NR6A1: variants seen among roughly 807,000 people sequenced by gnomAD.
The protein encoded by NR6A1 is retinoic acid receptor-related testis-associated receptor.
A neutral mutation model predicts 59.1 loss-of-function variants in NR6A1; 7 were observed. The observed-to-expected ratio is 0.12, with a 90% confidence interval of 0.07 to 0.22. The LOEUF (loss-of-function observed/expected upper bound fraction) is 0.22, where lower values mean the gene tolerates loss of function less well. NR6A1 is among the 10% of genes least tolerant of loss of function. The pLI is 1.00. For missense variants in NR6A1, 468 were observed against 611.6 expected, an observed-to-expected ratio of 0.77 and a Z score of 2.48; for synonymous variants, 243 against 236.1, an observed-to-expected ratio of 1.03 and a Z score of -0.27.
At chr9:124,585,558 A>G (rs13340712) in intron 2 of NR6A1, among the ~76,000 whole-genome samples, 1,765 of 26,344 alleles carry the variant, frequency 0.067, 13 homozygotes, top group East Asian at 0.16. Context: ...AAAAAAAAAA[A>G]GGGGGGGGGG....
chr9:124,747,836 C>G (rs1348004847), intron 1 of NR6A1, among the ~76,000 whole-genome samples: 1 of 152,182 alleles, frequency 6.6e-6, no homozygotes, highest in African/African-American at 2.4e-5. Flanking sequence ...CTCAAGGCAT[C>G]TAATCACCCT....
intron 2 of NR6A1, chr9:124,693,763 C>T (rs536185310): frequency 1.9e-6 from 1 of 534,634 alleles, no homozygotes; most frequent in Admixed American, 1.9e-5. Flanking sequence ...TCTGAATCAA[C>T]TCACTGATCA....
chr9:124,620,704 GT>G (rs1334102571), intron 2 of NR6A1, among the ~76,000 whole-genome samples: 1 of 151,746 alleles, frequency 6.6e-6, no homozygotes, highest in Non-Finnish European at 1.5e-5. Context: ...TGATGAAAAT[GT>G]TCTAAAACTG....
At chr9:124,546,972 C>T (rs1186723885) in intron 3 of NR6A1, among the ~76,000 whole-genome samples, 1 of 152,196 alleles carries the variant, frequency 6.6e-6, no homozygotes, top group Non-Finnish European at 1.5e-5. Context: ...CCATTTAGAT[C>T]TTCTGATTCT....
At chr9:124,593,028 G>A (rs1297145301) in intron 2 of NR6A1, among the ~76,000 whole-genome samples, 2 of 152,176 alleles carry the variant, frequency 1.3e-5, no homozygotes, top group Non-Finnish European at 2.9e-5. Flanking sequence ...TGGAGTAAAA[G>A]AATAACAAAC....
intron 2 of NR6A1, among the ~76,000 whole-genome samples, chr9:124,588,129 T>C (rs1412268473): frequency 6.6e-6 from 1 of 152,238 alleles, no homozygotes; most frequent in Non-Finnish European, 1.5e-5. Flanking sequence ...TCTAAGTTCT[T>C]GTCAGCATAT....
At chr9:124,554,675 A>C in intron 2 of NR6A1, 105 bp from the exon 3 acceptor site, 1 of 1,451,502 alleles carries the variant, frequency 6.9e-7, no homozygotes, top group Admixed American at 1.8e-5. Flanking sequence ...CACTATCTCC[A>C]GGCTAAAGGG....
intron 2 of NR6A1, among the ~76,000 whole-genome samples, chr9:124,568,909 C>T (rs1427222763): frequency 1.3e-5 from 2 of 151,742 alleles, no homozygotes; most frequent in African/African-American, 2.4e-5. Flanking sequence ...GTCAGGAGAT[C>T]GAGACCATCC....
intron 2 of NR6A1, among the ~76,000 whole-genome samples, chr9:124,567,727 G>T (rs1266128823): frequency 1.3e-5 from 2 of 150,022 alleles, no homozygotes; most frequent in South Asian, 2.1e-4. Flanking sequence ...GAGTGGTAAA[G>T]AAATAAAATA....
intron 2 of NR6A1, among the ~76,000 whole-genome samples, chr9:124,642,348 A>T (rs1013598664): frequency 3.3e-5 from 5 of 152,178 alleles, no homozygotes; most frequent in Non-Finnish European, 2.9e-5. Flanking sequence ...CTGCGCCCAG[A>T]AACTTTGTCT....
intron 2 of NR6A1, among the ~76,000 whole-genome samples, chr9:124,641,359 C>CAAA (rs558122642): frequency 1.2e-5 from 1 of 81,504 alleles, no homozygotes; most frequent in Non-Finnish European, 2.7e-5. Flanking sequence ...AAATCTGTCT[C>CAAA]AAAAAAAAAA....
At chr9:124,702,076 A>G (rs941335650) in intron 2 of NR6A1, among the ~76,000 whole-genome samples, 4 of 152,054 alleles carry the variant, frequency 2.6e-5, no homozygotes, top group Non-Finnish European at 5.9e-5. Flanking sequence ...AAGTTTTCCC[A>G]TTTTCTTAAT....
At chr9:124,541,465 C>CACA (rs749851637) in intron 4 of NR6A1, among the ~76,000 whole-genome samples, 1 of 151,946 alleles carries the variant, frequency 6.6e-6, no homozygotes. Flanking sequence ...TGTAAAAGAA[C>CACA]ACAACAACAA....
intron 7 of NR6A1, among the ~76,000 whole-genome samples, chr9:124,530,631 C>T (rs753447187): frequency 3.9e-5 from 6 of 152,174 alleles, no homozygotes; most frequent in Non-Finnish European, 7.3e-5. Flanking sequence ...TAAGTTATGT[C>T]CCATTAAGGG....
chr9:124,647,721 T>C (rs1426402173), intron 2 of NR6A1, among the ~76,000 whole-genome samples: 1 of 102,678 alleles, frequency 9.7e-6, no homozygotes, highest in Non-Finnish European at 1.8e-5. Context: ...AGTGAGACCG[T>C]CTCAAAAAAA....
chr9:124,741,236 A>C (rs1192509659), intron 1 of NR6A1, among the ~76,000 whole-genome samples: 2 of 152,214 alleles, frequency 1.3e-5, no homozygotes, highest in Admixed American at 1.3e-4. Context: ...GTGAAAACAT[A>C]GTTGTCGTCC....
At chr9:124,621,564 G>C (rs1247463726) in intron 2 of NR6A1, among the ~76,000 whole-genome samples, 1 of 151,830 alleles carries the variant, frequency 6.6e-6, no homozygotes. Context: ...TACGGTGGGA[G>C]TATCACTTCA....
At chr9:124,600,675 A>G (rs754952553) in intron 2 of NR6A1, among the ~76,000 whole-genome samples, 2 of 152,166 alleles carry the variant, frequency 1.3e-5, no homozygotes, top group Non-Finnish European at 2.9e-5. Flanking sequence ...CAGTGCACAT[A>G]CACTAAACAG....
chr9:124,526,947 G>A, intron 7 of NR6A1, 47 bp from the exon 8 acceptor site: 1 of 1,609,438 alleles, frequency 6.2e-7, no homozygotes, highest in Non-Finnish European at 8.5e-7. Flanking sequence ...ACACCAGTAG[G>A]GGCCAGGAAA....
Sources: gnomAD v4.1 joint callset for allele counts (sites outside exome capture counted in the v4.1 genomes callset) on GRCh38, gnomAD v4.1.1 for gene constraint, MANE v1.5 for transcripts, NCBI Gene and HGNC (gene_info 2026-07-23, HGNC 2026-07-21) for gene names.